Variants in CDH13 observed in about 807,000 individuals in gnomAD.
CDH13 encodes the protein cadherin 13.
Under a neutral mutation model 63.8 loss-of-function variants are expected in CDH13, and 24 were observed. The observed-to-expected ratio is 0.38, with a 90% CI of 0.27 to 0.53. The LOEUF (loss-of-function observed/expected upper bound fraction) is 0.53, where lower values mean the gene tolerates loss of function less well. Among genes scored for constraint, CDH13 ranks in the 20% least tolerant of loss-of-function variants. CDH13 has a pLI of 0.85. For synonymous variants in CDH13, 503 were observed against 355.3 expected (o/e 1.42, Z -4.67); for missense variants, 1,049 against 903.1 (o/e 1.16, Z -2.07).
rs553124506 is a variant in CDH13, at chr16:83,411,875, G to A, written c.781+66869G>A. ...GTCCTCATAACAAGTTTATAAGGTA[G>A]ATAGTAACATCCCACATTACAGAGG... is the stretch of plus-strand genomic sequence containing the variant. On this transcript the variant is annotated intron_variant, in intron 6 of 13. Coordinates refer to ENST00000567109, the MANE Select transcript of CDH13 (RefSeq NM_001257.5). Among the ~76,000 whole-genome samples the A allele has an allele frequency of 5.3e-5, 8 of 152,318 alleles. No individual in the cohort carries two copies. The South Asian group carries it at 1.7e-3, about 32-fold the overall frequency.
chr16:83,565,223 T>C (rs1484899022), intron 7 of CDH13, among the ~76,000 whole-genome samples: 1 of 152,072 alleles, frequency 6.6e-6, no homozygotes, highest in African/African-American at 2.4e-5. Flanking sequence ...GGTTTCTGGC[T>C]ATAATTGCCC....
chr16:82,655,677 C>G (rs1413765252), intron 1 of CDH13, among the ~76,000 whole-genome samples: 1 of 152,156 alleles, frequency 6.6e-6, no homozygotes, highest in East Asian at 1.9e-4. Context: ...CCTACAGAAG[C>G]TTACCTCCTC....
intron 13 of CDH13, chr16:83,789,975 A>G (rs1261865996): frequency 2.6e-5 from 4 of 152,174 alleles, no homozygotes; most frequent in South Asian, 2.1e-4. Flanking sequence ...CATCATTCAT[A>G]AAACTTCAGT....
At chr16:82,637,457 G>T (rs1908803375) in intron 1 of CDH13, among the ~76,000 whole-genome samples, 1 of 26,058 alleles carries the variant, frequency 3.8e-5, no homozygotes, top group Non-Finnish European at 9.6e-5. Flanking sequence ...TTGAGACGGA[G>T]TCTGGCTCTG....
chr16:83,007,807 G>A (rs1238153173), intron 2 of CDH13, among the ~76,000 whole-genome samples: 3 of 148,782 alleles, frequency 2.0e-5, no homozygotes, highest in Non-Finnish European at 4.4e-5. Flanking sequence ...CTGGGCAACA[G>A]AGCAAGACGA....
chr16:83,323,504 C>T (rs564373714), intron 5 of CDH13, among the ~76,000 whole-genome samples: 29 of 151,954 alleles, frequency 1.9e-4, no homozygotes, highest in Admixed American at 3.3e-4. Flanking sequence ...TGCTCTCAAA[C>T]GCCTGACTTC....
intron 7 of CDH13, among the ~76,000 whole-genome samples, chr16:83,494,341 C>G (rs1285115813): frequency 1.3e-5 from 2 of 152,070 alleles, no homozygotes. Flanking sequence ...AGTATGATTA[C>G]TATGTTAATG....
chr16:83,315,899 T>C (rs1334329769), intron 5 of CDH13, among the ~76,000 whole-genome samples: 2 of 152,192 alleles, frequency 1.3e-5, no homozygotes, highest in East Asian at 1.9e-4. Flanking sequence ...TATGGGAGTA[T>C]ATATTGAAAC....
intron 2 of CDH13, among the ~76,000 whole-genome samples, chr16:82,998,377 G>C (rs1384290223): frequency 6.6e-6 from 1 of 152,204 alleles, no homozygotes; most frequent in African/African-American, 2.4e-5. Context: ...AAATAAGCAA[G>C]AGTATCACTT....
At chr16:82,805,085 T>A (rs1301846699) in intron 1 of CDH13, among the ~76,000 whole-genome samples, 1 of 152,156 alleles carries the variant, frequency 6.6e-6, no homozygotes, top group Non-Finnish European at 1.5e-5. Flanking sequence ...TTGTTAACAG[T>A]AGAAGAGAGT....
chr16:83,702,730 G>A (rs930700315), intron 10 of CDH13, among the ~76,000 whole-genome samples: 3 of 152,196 alleles, frequency 2.0e-5, no homozygotes, highest in Admixed American at 6.5e-5. Context: ...TGCATTCCCT[G>A]GTCACCTCCA....
intron 3 of CDH13, among the ~76,000 whole-genome samples, chr16:83,080,871 G>GTTTTTTTTTTTGTTTTTTTTTTT (rs2033185148): frequency 1.1e-4 from 5 of 46,954 alleles, no homozygotes; most frequent in Non-Finnish European, 1.4e-4. Flanking sequence ...TTGTTTTTGT[G>GTTTTTTTTTTTGTTTTTTTTTTT]TTTTTTTTTT....
chr16:83,194,204 G>T (rs1015106605), intron 4 of CDH13, among the ~76,000 whole-genome samples: 12 of 152,306 alleles, frequency 7.9e-5, no homozygotes, highest in Non-Finnish European at 1.5e-4. Flanking sequence ...TGCAGCCTTT[G>T]CTAGGTACAC....
chr16:83,747,201 T>C lies in CDH13; in HGVS notation c.1539-907T>C, dbSNP rs112644565. On this transcript the variant is annotated intron_variant, in intron 10 of 13. Coordinates refer to ENST00000567109, the MANE Select transcript of CDH13 (RefSeq NM_001257.5). Reference sequence around the variant, plus strand: ...CCTACATCCTAATGAGTGTTTCTGTTCCATCTGTAATAGTTTGGCTGTGTC... The same window carrying C: ...CCTACATCCTAATGAGTGTTTCTGTCCCATCTGTAATAGTTTGGCTGTGTC... Among the ~76,000 whole-genome samples the C allele has an allele frequency of 1.3e-3, 191 of 152,336 alleles. 1 individual carries two copies. The highest frequency in any genetic ancestry group is 4.2e-3 in the African/African-American group (173 of 41,574).
intron 5 of CDH13, among the ~76,000 whole-genome samples, chr16:83,304,988 T>C (rs187956151): frequency 6.6e-6 from 1 of 152,342 alleles, no homozygotes; most frequent in East Asian, 1.9e-4. Flanking sequence ...GCTCCAAGTA[T>C]GTGTAATTGC....
intron 6 of CDH13, among the ~76,000 whole-genome samples, chr16:83,400,363 C>G (rs1469853761): frequency 6.6e-6 from 1 of 152,160 alleles, no homozygotes; most frequent in African/African-American, 2.4e-5. Flanking sequence ...AGGCAGGCTT[C>G]TCAGCTCTTG....
At chr16:83,053,662 A>T (rs1418785681) in intron 3 of CDH13, among the ~76,000 whole-genome samples, 2 of 152,234 alleles carry the variant, frequency 1.3e-5, no homozygotes, top group East Asian at 3.8e-4. Context: ...TAACCAAGAG[A>T]AAGTTGATAG....
At chr16:83,669,554 C>T (rs371118785) in intron 8 of CDH13, among the ~76,000 whole-genome samples, 1 of 152,156 alleles carries the variant, frequency 6.6e-6, no homozygotes. Flanking sequence ...AGCCTCCATG[C>T]ATGTTCTAAG....
chr16:82,868,904 C>G (rs1311267851), intron 2 of CDH13, among the ~76,000 whole-genome samples: 1 of 152,204 alleles, frequency 6.6e-6, no homozygotes, highest in East Asian at 1.9e-4. Flanking sequence ...GTAACTTTGG[C>G]AAGTTGGGAA....
Sources: gnomAD v4.1 joint callset for allele counts (sites outside exome capture counted in the v4.1 genomes callset) on GRCh38, gnomAD v4.1.1 for gene constraint, MANE v1.5 for transcripts, NCBI Gene and HGNC (gene_info 2026-07-23, HGNC 2026-07-21) for gene names.